TMEM132B: variants seen among roughly 807,000 people sequenced by gnomAD.
The protein encoded by TMEM132B is transmembrane protein 132B.
TMEM132B carries 18 observed loss-of-function variants against 90.8 expected under a neutral mutation model. The ratio of observed to expected loss-of-function variants is 0.20; its 90% CI spans 0.14 to 0.29. The LOEUF (loss-of-function observed/expected upper bound fraction) is 0.29, where lower values mean the gene tolerates loss of function less well. Among genes scored for constraint, TMEM132B ranks in the 10% least tolerant of loss-of-function variants. The pLI, the probability that TMEM132B is intolerant of heterozygous loss-of-function variation, is 1.00. For missense variants in TMEM132B, 1,096 were observed against 1,326.8 expected, an observed-to-expected ratio of 0.83 and a Z score of 2.70; for synonymous variants, 504 against 523.3, an observed-to-expected ratio of 0.96 and a Z score of 0.50.
intron 3 of TMEM132B, among the ~76,000 whole-genome samples, chr12:125,432,528 T>G (rs865934347): frequency 0.04 from 1,574 of 39,084 alleles, 474 homozygotes; most frequent in Middle Eastern, 0.1. Flanking sequence ...TATATATATA[T>G]AGAGAGAGAG....
rs148215660 is a variant in TMEM132B at position 125,656,181 on chromosome 12, G to A, written c.*1471G>A. ...ATGTGATGACATATTTATTAAGATT[G>A]TATTATTGGAAATGTAGACACTGGA... On this transcript the variant is annotated 3_prime_UTR_variant, in exon 9 of 9. Coordinates refer to ENST00000682704, the MANE Select transcript of TMEM132B (RefSeq NM_001366854.1). 6 of 152,314 alleles carry A rather than the reference G, an allele frequency of 3.9e-5. No individual in the cohort carries two copies. In the East Asian group the frequency reaches 9.6e-4, roughly 24 times the overall value. 9.4% of individuals were successfully genotyped at this position (152,314 alleles called of 1,614,324 possible). A position where few individuals can be genotyped will look rare whatever the true frequency, so the allele number is the denominator to read the frequency against.
At chr12:125,540,152 C>T (rs1392185524) in intron 4 of TMEM132B, among the ~76,000 whole-genome samples, 1 of 152,178 alleles carries the variant, frequency 6.6e-6, no homozygotes, top group Non-Finnish European at 1.5e-5. Context: ...TGATTTCTAA[C>T]TTTTATCCCA....
intron 2 of TMEM132B, among the ~76,000 whole-genome samples, chr12:125,358,363 A>T (rs1201239887): frequency 6.7e-6 from 1 of 149,126 alleles, no homozygotes; most frequent in Non-Finnish European, 1.5e-5. Flanking sequence ...CCACAATACA[A>T]ATATCAAAAC....
chr12:125,274,852 G>A (rs1874945058), intron 1 of TMEM132B, among the ~76,000 whole-genome samples: 1 of 152,134 alleles, frequency 6.6e-6, no homozygotes, highest in Non-Finnish European at 1.5e-5. Context: ...GAGCCCAAGA[G>A]GTCAAGGTTG....
intron 3 of TMEM132B, among the ~76,000 whole-genome samples, chr12:125,476,635 T>C (rs1320244466): frequency 6.6e-6 from 1 of 152,210 alleles, no homozygotes; most frequent in Admixed American, 6.5e-5. Context: ...TTTGGTGGGG[T>C]TGAGTTGCTA....
intron 1 of TMEM132B, among the ~76,000 whole-genome samples, chr12:125,250,846 A>G (rs1275117773): frequency 6.6e-6 from 1 of 152,224 alleles, no homozygotes; most frequent in Non-Finnish European, 1.5e-5. Context: ...TCTGCTGGGT[A>G]AAAGGAAGTG....
intron 1 of TMEM132B, among the ~76,000 whole-genome samples, chr12:125,337,423 T>C (rs937532951): frequency 6.6e-6 from 1 of 152,186 alleles, no homozygotes; most frequent in Non-Finnish European, 1.5e-5. Context: ...GGCTTTGTCA[T>C]GCCCTAGGGC....
intron 4 of TMEM132B, among the ~76,000 whole-genome samples, chr12:125,532,416 G>T (rs1008872971): frequency 1.3e-5 from 2 of 152,144 alleles, no homozygotes; most frequent in African/African-American, 4.8e-5. Context: ...TGTCCTGCTT[G>T]TTGGGTGAGC....
At chr12:125,284,208 A>G (rs1331998600) in intron 1 of TMEM132B, among the ~76,000 whole-genome samples, 2 of 152,136 alleles carry the variant, frequency 1.3e-5, no homozygotes, top group African/African-American at 4.8e-5. Flanking sequence ...TTCAAAAGGG[A>G]TACACTGATA....
At chr12:125,337,852 A>G (rs1270779818) in intron 1 of TMEM132B, among the ~76,000 whole-genome samples, 1 of 152,228 alleles carries the variant, frequency 6.6e-6, no homozygotes, top group Admixed American at 6.5e-5. Context: ...AAGAATGGCC[A>G]TAGTCTTCCA....
intron 3 of TMEM132B, among the ~76,000 whole-genome samples, chr12:125,433,162 T>G (rs1002492425): frequency 4.6e-5 from 7 of 152,220 alleles, no homozygotes; most frequent in Non-Finnish European, 1.0e-4. Flanking sequence ...GGTGTGCTTA[T>G]TTTTAAATGT....
chr12:125,433,083 G>A (rs942996328), intron 3 of TMEM132B, among the ~76,000 whole-genome samples: 57 of 152,218 alleles, frequency 3.7e-4, no homozygotes, highest in Admixed American at 3.6e-3. Flanking sequence ...AGAATGCCGC[G>A]TGCCCCACGC....
chr12:125,542,025 CAAAAAAAAA>C (rs71306285), intron 4 of TMEM132B, among the ~76,000 whole-genome samples: 9 of 23,302 alleles, frequency 3.9e-4, no homozygotes, highest in African/African-American at 1.5e-3. Flanking sequence ...ACCCCCGTCT[CAAAAAAAAA>C]AAAAAAAAAA....
At chr12:125,353,796 G>A (rs930142978) in intron 2 of TMEM132B, among the ~76,000 whole-genome samples, 1 of 152,162 alleles carries the variant, frequency 6.6e-6, no homozygotes, top group African/African-American at 2.4e-5. Context: ...GGTTAATTTA[G>A]GGAAGAGGAG....
At chr12:125,470,445 CT>C (rs145718472) in intron 3 of TMEM132B, among the ~76,000 whole-genome samples, 11,247 of 152,212 alleles carry the variant, frequency 0.074, 934 homozygotes, top group African/African-American at 0.21. Flanking sequence ...CCTTTTATTT[CT>C]TGCTCTTGAT....
chr12:125,386,146 C>G (rs532768681), intron 2 of TMEM132B, among the ~76,000 whole-genome samples: 1 of 152,270 alleles, frequency 6.6e-6, no homozygotes, highest in South Asian at 2.1e-4. Flanking sequence ...CACCACCACT[C>G]CTGGCTTGTT....
chr12:125,568,658 A>G (rs923007331), intron 4 of TMEM132B, among the ~76,000 whole-genome samples: 1 of 152,126 alleles, frequency 6.6e-6, no homozygotes, highest in Non-Finnish European at 1.5e-5. Context: ...GGCTCTTTTG[A>G]TGGTTCTTGT....
intron 2 of TMEM132B, among the ~76,000 whole-genome samples, chr12:125,413,107 G>A (rs947933981): frequency 2.6e-5 from 4 of 152,092 alleles, no homozygotes; most frequent in African/African-American, 7.2e-5. Context: ...GCAGACATTT[G>A]AATCTCCTAA....
intron 1 of TMEM132B, among the ~76,000 whole-genome samples, chr12:125,317,622 C>A (rs1276792281): frequency 2.9e-4 from 44 of 151,284 alleles, no homozygotes; most frequent in African/African-American, 1.1e-3. Flanking sequence ...TCTCTATCCT[C>A]CTCCGTCATC....
Sources: allele counts gnomAD v4.1 joint callset (sites outside exome capture counted in the v4.1 genomes callset), GRCh38; gene constraint gnomAD v4.1.1; transcripts MANE v1.5; gene names NCBI Gene and HGNC (gene_info 2026-07-23, HGNC 2026-07-21).